SMARCD2: variants seen among roughly 807,000 people sequenced by gnomAD.
SMARCD2 encodes SWI/SNF-related matrix-associated actin-dependent regulator of chromatin subfamily D member 2.
SMARCD2 carries 39 observed loss-of-function variants against 70.4 expected under a neutral mutation model. The observed-to-expected ratio is 0.55, with a 90% CI of 0.43 to 0.72. SMARCD2 has a LOEUF of 0.72. Among genes scored for constraint, SMARCD2 ranks in the 30% least tolerant of loss-of-function variants. The pLI is 0.00. For missense variants in SMARCD2, 540 were observed against 713.4 expected (o/e 0.76, Z 2.77); for synonymous variants, 249 against 279.4 (o/e 0.89, Z 1.08).
chr17:63,839,667 C>A (rs1282308644), intron 1 of SMARCD2, among the ~76,000 whole-genome samples: 1 of 151,754 alleles, frequency 6.6e-6, no homozygotes, highest in Non-Finnish European at 1.5e-5. Flanking sequence ...TAACTCCCTG[C>A]CTGCAGCAGG....
rs2144643248 is a variant in SMARCD2 at position 63,842,603 on chromosome 17, G to A, written c.72C>T (p.Ala24=). 1 of 1,222,290 alleles carries A rather than the reference G, an allele frequency of 8.2e-7. No individual in the cohort carries two copies. Among genetic ancestry groups the A allele is most frequent in the Non-Finnish European group, 1.0e-6 (1 of 982,292 alleles). 75.7% of individuals were successfully genotyped at this position (1,222,290 alleles called of 1,614,324 possible). Residue 24 remains alanine, a synonymous_variant, in exon 1 of 13, where the codon GCC becomes GCT. Transcript: ENST00000448276. ...CCGCGGGGGGAGGCGGCGCTCCCAG[G>A]GCCGCAGCCACGGCGCCGCCGCCAG... The part of the protein sequence containing the change: ...LSPGGGAVAA[A]LGAPPPPAGP...
rs1305641875 is a variant in SMARCD2, at chr17:63,833,289, G to A, written c.1440+9C>T. 6.2e-7 allele frequency: 1 copy of A among 1,613,996 alleles called. No individual in the cohort carries two copies. The highest frequency in any genetic ancestry group is 1.7e-5 in the Admixed American group (1 of 60,032). On this transcript the variant is annotated intron_variant, in intron 11 of 12. Transcript: ENST00000448276. This position sits in a 1 kb window ranked among gnomAD's most constrained non-coding sequence, Gnocchi z 4.3. ...TACATAGGAGTCCCCTCGGGAAAGAGGACTACACCTTGAGGTCTCGGCGCT... is the reference window on the plus strand; with the variant it reads ...TACATAGGAGTCCCCTCGGGAAAGAAGACTACACCTTGAGGTCTCGGCGCT...
Position 63,834,753 on chromosome 17 carries a change from G to A in SMARCD2, c.771C>T (p.Val257=), listed in dbSNP as rs370039014. 1 of 1,613,930 alleles carries A rather than the reference G, an allele frequency of 6.2e-7. No individual in the cohort carries two copies. ...RKFSSFFKSL[V]IELDKELYGP... ...CGTACAGCTCCTTGTCCAGCTCAAT[G>A]ACGAGGCTCTTAAAGAATGAAGAAA... The change falls in exon 6 of 13, where the codon GTC becomes GTT. Residue 257 remains valine, a synonymous_variant. Coordinates refer to ENST00000448276, the MANE Select transcript of SMARCD2 (RefSeq NM_001098426.2). This position sits in a 1 kb window ranked among gnomAD's most constrained non-coding sequence, Gnocchi z 5.6.
chr17:63,838,790 C>A, intron 1 of SMARCD2: 1 of 1,271,654 alleles, frequency 7.9e-7, no homozygotes, highest in South Asian at 2.8e-5. Flanking sequence ...CACAACCAGC[C>A]AACCAAGCCC....
Position 63,834,465 on chromosome 17 carries a change from C to A in SMARCD2, c.921+9G>T. On this transcript the variant is annotated intron_variant, in intron 7 of 12. Transcript: ENST00000448276. The surrounding 1 kb of genome is among the most constrained non-coding windows in gnomAD (Gnocchi z 5.6). ...GTGGGCCCAGAAATGACCCCAGGGT[C>A]TCTGTCACCTGATGATCCAGCATGA... 6.4e-7 allele frequency: 1 copy of A among 1,574,706 alleles called. No individual in the cohort carries two copies. The highest frequency in any genetic ancestry group is 1.1e-5 in the South Asian group (1 of 87,410).
chr17:63,833,181 C>T lies in SMARCD2; in HGVS notation c.1441-11G>A. 6.2e-6 allele frequency: 10 copies of T among 1,608,050 alleles called. No individual in the cohort carries two copies. The highest frequency in any genetic ancestry group is 8.5e-6 in the Non-Finnish European group (10 of 1,176,858). On this transcript the variant is annotated splice_polypyrimidine_tract_variant and intron_variant, in intron 11 of 12. Transcript: ENST00000448276. The surrounding 1 kb of genome is among the most constrained non-coding windows in gnomAD (Gnocchi z 4.3). ...CACATCAGTGATGATCTGCAAAGAGCCAGGAGGAAAGCCATAGCATAATCC... is the reference window on the plus strand; with the variant it reads ...CACATCAGTGATGATCTGCAAAGAGTCAGGAGGAAAGCCATAGCATAATCC...
intron 4 of SMARCD2, among the ~76,000 whole-genome samples, chr17:63,836,342 A>G (rs1277714030): frequency 6.6e-6 from 1 of 151,976 alleles, no homozygotes; most frequent in Non-Finnish European, 1.5e-5. Flanking sequence ...TACTAAAAAT[A>G]CAAAAATTAG....
rs1022363408 is a variant in SMARCD2 at position 63,837,959 on chromosome 17, T to A, written c.217-334A>T. On this transcript the variant is annotated intron_variant, in intron 1 of 12. Transcript: ENST00000448276. This position sits in a 1 kb window ranked among gnomAD's most constrained non-coding sequence, Gnocchi z 6.4. ...CCAGCCCCAGCATGCTGTGCCCTATTCCCTGGGCAAGCTGGTCCCTATTCT... is the reference window on the plus strand; with the variant it reads ...CCAGCCCCAGCATGCTGTGCCCTATACCCTGGGCAAGCTGGTCCCTATTCT... Among the ~76,000 whole-genome samples, 2 of 152,112 alleles carry A rather than the reference T, an allele frequency of 1.3e-5. No individual in the cohort carries two copies. Among genetic ancestry groups the A allele is most frequent in the African/African-American group, 4.8e-5 (2 of 41,408 alleles).
chr17:63,841,419 G>A (rs1904457072), intron 1 of SMARCD2, among the ~76,000 whole-genome samples: 1 of 152,244 alleles, frequency 6.6e-6, no homozygotes, highest in South Asian at 2.1e-4. Context: ...AGATGAGCAA[G>A]AAGCCAGTGT....
At position 63,834,089 on chromosome 17, in the gene SMARCD2, G is replaced by A. The variant is rs1318886033; in HGVS notation, c.1083+78C>T. 3 of 1,594,702 alleles carry A rather than the reference G, an allele frequency of 1.9e-6. No homozygotes were observed. The highest frequency in any genetic ancestry group is 1.7e-6 in the Non-Finnish European group (2 of 1,164,112). On this transcript the variant is annotated intron_variant, in intron 8 of 12. Coordinates refer to ENST00000448276, the MANE Select transcript of SMARCD2 (RefSeq NM_001098426.2). The surrounding 1 kb of genome is among the most constrained non-coding windows in gnomAD (Gnocchi z 5.6). ...CCAGGACCAGTGAGGGCAGCAGTCT[G>A]CAGGCTGTGGCCAAGGAGTAGCCCA...
intron 4 of SMARCD2, 47 bp from the exon 5 acceptor site, chr17:63,835,614 G>A (rs776356359): frequency 1.3e-6 from 2 of 1,585,674 alleles, no homozygotes; most frequent in African/African-American, 1.3e-5. Context: ...CAAGATGCTG[G>A]GACACAGTGC....
At position 63,835,733 on chromosome 17, in the gene SMARCD2, C is replaced by G. The variant is rs1010913349; in HGVS notation, c.568-166G>C. On this transcript the variant is annotated intron_variant, in intron 4 of 12. Coordinates refer to ENST00000448276, the MANE Select transcript of SMARCD2 (RefSeq NM_001098426.2). ...CAGAAGTAGTAAGTCCCAGTCCCAG[C>G]CTTTTTTTTTTTTAGACATGGTCTC... 4.3e-5 allele frequency: 24 copies of G among 552,708 alleles called. No individual in the cohort carries two copies. The South Asian group carries it at 4.4e-4, about 10-fold the overall frequency. The allele number at this position is 552,708 out of a possible 1,614,324, so 34.2% of individuals were successfully genotyped here.
At chr17:63,835,319 G>T in intron 5 of SMARCD2, 93 bp downstream of exon 5, 1 of 1,335,528 alleles carries the variant, frequency 7.5e-7, no homozygotes. Context: ...GATGGGGTCT[G>T]GCTCTGCTGC....
Position 63,832,729 on chromosome 17 carries a change from G to A in SMARCD2, c.*209C>T, listed in dbSNP as rs1056701710. ...CAGGGGGGCAGAGGAGGCATCTGCTGAACCCAATTAAAGCCAATGCAAAAA... is the reference window on the plus strand; with the variant it reads ...CAGGGGGGCAGAGGAGGCATCTGCTAAACCCAATTAAAGCCAATGCAAAAA... On this transcript the variant is annotated 3_prime_UTR_variant, in exon 13 of 13. Coordinates refer to ENST00000448276, the MANE Select transcript of SMARCD2 (RefSeq NM_001098426.2). The A allele has an allele frequency of 3.3e-6, 2 of 600,000 alleles. No individual in the cohort carries two copies. Among genetic ancestry groups the A allele is most frequent in the South Asian group, 2.0e-5 (1 of 50,198 alleles). The allele number at this position is 600,000 out of a possible 1,614,324, so 37.2% of individuals were successfully genotyped here.
chr17:63,835,237 A>G, intron 5 of SMARCD2, 175 bp downstream of exon 5: 1 of 618,992 alleles, frequency 1.6e-6, no homozygotes, highest in South Asian at 2.1e-5. Flanking sequence ...ATCCTCCTGC[A>G]TCAGCCTTAT....
At chr17:63,838,853 A>G (rs1941480886) in intron 1 of SMARCD2, 8 of 1,246,710 alleles carry the variant, frequency 6.4e-6, no homozygotes, top group Non-Finnish European at 8.0e-6. Flanking sequence ...CCCCAGCATC[A>G]TGGAGATGAG....
Position 63,832,749 on chromosome 17 carries a change from C to G in SMARCD2, c.*189G>C, listed in dbSNP as rs1271336148. On this transcript the variant is annotated 3_prime_UTR_variant, in exon 13 of 13. Coordinates refer to ENST00000448276, the MANE Select transcript of SMARCD2 (RefSeq NM_001098426.2). Reference sequence around the variant, plus strand: ...CTGCTGAACCCAATTAAAGCCAATGCAAAAAGTATAAGGCTTTGGGGACCA... The same window carrying G: ...CTGCTGAACCCAATTAAAGCCAATGGAAAAAGTATAAGGCTTTGGGGACCA... 6.4e-6 allele frequency: 4 copies of G among 621,380 alleles called. No homozygotes were observed. The East Asian group carries it at 1.1e-4, about 17-fold the overall frequency. 38.5% of individuals were successfully genotyped at this position (621,380 alleles called of 1,614,324 possible).
At chr17:63,839,747 C>T (rs2069207819) in intron 1 of SMARCD2, among the ~76,000 whole-genome samples, 1 of 152,190 alleles carries the variant, frequency 6.6e-6, no homozygotes, top group Admixed American at 6.5e-5. Context: ...GCGTGCTTTG[C>T]CCTGCCCCAA....
chr17:63,838,979 AGAG>A (rs1371489789), intron 1 of SMARCD2: 1 of 985,232 alleles, frequency 1.0e-6, no homozygotes, highest in Non-Finnish European at 1.2e-6. Context: ...GAGGATGGGG[AGAG>A]GAGGAGCAGG....
Sources: allele counts gnomAD v4.1 joint callset (sites outside exome capture counted in the v4.1 genomes callset), GRCh38; gene constraint gnomAD v4.1.1; non-coding constraint Gnocchi (gnomAD v3.1); transcripts MANE v1.5; gene names NCBI Gene and HGNC (gene_info 2026-07-23, HGNC 2026-07-21).